PTPRD: variants seen among roughly 807,000 people sequenced by gnomAD.
PTPRD encodes the protein receptor-type tyrosine-protein phosphatase delta.
Under a neutral mutation model 214.5 loss-of-function variants are expected in PTPRD, and 34 were observed. The ratio of observed to expected loss-of-function variants is 0.16; its 90% CI spans 0.12 to 0.21. The LOEUF is 0.21. PTPRD is among the 10% of genes least tolerant of loss of function. The probability of loss-of-function intolerance (pLI) is 1.00; values close to 1 mark genes in which losing one functional copy is unlikely to be tolerated. For missense variants in PTPRD, 2,545 were observed against 2,398.7 expected (o/e 1.06, Z -1.27); for synonymous variants, 1,128 against 845.7 (o/e 1.33, Z -5.79).
At chr9:10,536,716 C>T (rs111508340) in intron 2 of PTPRD, among the ~76,000 whole-genome samples, 1 of 152,094 alleles carries the variant, frequency 6.6e-6, no homozygotes, top group African/African-American at 2.4e-5. Context: ...AATACTGGCC[C>T]AGGGAACACT....
At chr9:9,949,582 G>A (rs946049609) in intron 4 of PTPRD, among the ~76,000 whole-genome samples, 5 of 152,168 alleles carry the variant, frequency 3.3e-5, no homozygotes, top group South Asian at 2.1e-4. Context: ...AAAATCATAC[G>A]ACCTAGGTTA....
At chr9:8,820,593 G>C (rs972904638) in intron 11 of PTPRD, among the ~76,000 whole-genome samples, 1 of 152,028 alleles carries the variant, frequency 6.6e-6, no homozygotes, top group Non-Finnish European at 1.5e-5. Context: ...TTTTAGTTTT[G>C]AAAGTTCAAC....
intron 2 of PTPRD, among the ~76,000 whole-genome samples, chr9:10,450,656 T>C (rs1041872445): frequency 5.3e-5 from 8 of 152,002 alleles, no homozygotes; most frequent in Non-Finnish European, 8.8e-5. Flanking sequence ...TTTACTGTCT[T>C]GTTGTTTGGC....
intron 9 of PTPRD, among the ~76,000 whole-genome samples, chr9:9,376,330 C>T (rs919623240): frequency 6.6e-6 from 1 of 152,088 alleles, no homozygotes; most frequent in African/African-American, 2.4e-5. Context: ...TCAGTTTCAC[C>T]CTCCTATAAA....
chr9:10,309,339 TG>T (rs1230639482), intron 3 of PTPRD, among the ~76,000 whole-genome samples: 2 of 152,080 alleles, frequency 1.3e-5, no homozygotes, highest in Non-Finnish European at 2.9e-5. Flanking sequence ...TTCTTCCTTT[TG>T]TTTTTTTGTT....
At chr9:9,465,171 A>G (rs1281474731) in intron 8 of PTPRD, among the ~76,000 whole-genome samples, 1 of 152,222 alleles carries the variant, frequency 6.6e-6, no homozygotes, top group East Asian at 1.9e-4. Flanking sequence ...ATATAGTTTA[A>G]TAAGCTGTAG....
In PTPRD at chr9:10,477,816, T is replaced by C. The variant is rs1214095038; in HGVS notation, c.-600+134582A>G. Among the ~76,000 whole-genome samples the C allele has an allele frequency of 3.9e-5, 6 of 152,180 alleles. No homozygotes were observed. In the East Asian group the frequency reaches 1.2e-3, roughly 29 times the overall value. ...TATGCAGCCATAAAAAAGGATGAGT[T>C]CATGTCCTTTGCAGTAACATGGATG... On this transcript the variant is annotated intron_variant, in intron 2 of 45. Transcript: ENST00000381196.
intron 12 of PTPRD, among the ~76,000 whole-genome samples, chr9:8,724,417 C>T (rs1005020859): frequency 1.3e-5 from 2 of 152,152 alleles, no homozygotes; most frequent in Non-Finnish European, 2.9e-5. Flanking sequence ...TCCCTTGTAC[C>T]ACATCTACTC....
chr9:8,600,667 G>A (rs1228430580), intron 14 of PTPRD, among the ~76,000 whole-genome samples: 1 of 151,780 alleles, frequency 6.6e-6, no homozygotes, highest in Admixed American at 6.6e-5. Context: ...GGCCAGAAGG[G>A]AACCTGCTGC....
At chr9:8,639,846 A>T (rs1211778849) in intron 12 of PTPRD, among the ~76,000 whole-genome samples, 1 of 152,188 alleles carries the variant, frequency 6.6e-6, no homozygotes, top group Non-Finnish European at 1.5e-5. Flanking sequence ...AAATTCCCAT[A>T]CACTTGGAGA....
chr9:10,409,386 C>T (rs1457883635), intron 2 of PTPRD, among the ~76,000 whole-genome samples: 1 of 151,656 alleles, frequency 6.6e-6, no homozygotes, highest in African/African-American at 2.4e-5. Flanking sequence ...CCAGTTAATC[C>T]TTCATATTAT....
chr9:8,606,318 C>T (rs1468155014), intron 14 of PTPRD, among the ~76,000 whole-genome samples: 1 of 152,106 alleles, frequency 6.6e-6, no homozygotes, highest in African/African-American at 2.4e-5. Context: ...TGCCAGTATG[C>T]CTTGAGGAAG....
intron 10 of PTPRD, among the ~76,000 whole-genome samples, chr9:9,062,599 C>G (rs1195789899): frequency 6.6e-6 from 1 of 152,074 alleles, no homozygotes; most frequent in Non-Finnish European, 1.5e-5. Flanking sequence ...TACCATCTAT[C>G]TAACTATTTA....
chr9:9,563,508 CTG>C (rs2083492942), intron 8 of PTPRD, among the ~76,000 whole-genome samples: 1 of 152,106 alleles, frequency 6.6e-6, no homozygotes, highest in Admixed American at 6.6e-5. Flanking sequence ...TCTGGAAATA[CTG>C]TGATTGCTGA....
At chr9:8,799,536 C>T (rs937917725) in intron 11 of PTPRD, among the ~76,000 whole-genome samples, 1 of 152,138 alleles carries the variant, frequency 6.6e-6, no homozygotes, top group Non-Finnish European at 1.5e-5. Context: ...GAAGTGTTAC[C>T]TTGCAGATTC....
At chr9:9,524,934 T>C (rs1428258904) in intron 8 of PTPRD, among the ~76,000 whole-genome samples, 4 of 152,238 alleles carry the variant, frequency 2.6e-5, no homozygotes, top group Non-Finnish European at 2.9e-5. Context: ...CTCGGCTCAC[T>C]GCAAGCTCCG....
Position 10,195,098 on chromosome 9 carries a change from A to ATTTTTTTTTTTTTTT in PTPRD, c.-545+145850_-545+145864dup, listed in dbSNP as rs34900305. Among the ~76,000 whole-genome samples, 27 of 97,908 alleles carry ATTTTTTTTTTTTTTT rather than the reference A, an allele frequency of 2.8e-4. 1 individual carries two copies. Among genetic ancestry groups the ATTTTTTTTTTTTTTT allele is most frequent in the Admixed American group, 5.4e-4 (4 of 7,426 alleles). The allele number at this position is 97,908 out of a possible 152,430, so 64.2% of individuals were successfully genotyped here. On this transcript the variant is annotated intron_variant, in intron 3 of 45. Transcript: ENST00000381196. ...CAGGCACCCGTGACCATACCCGGCT[A>ATTTTTTTTTTTTTTT]TTTTTTTTTTTTTTTTTTTTTTTGT... is the stretch of plus-strand genomic sequence containing the variant.
At chr9:8,720,281 T>C (rs754224848) in intron 12 of PTPRD, among the ~76,000 whole-genome samples, 1 of 152,152 alleles carries the variant, frequency 6.6e-6, no homozygotes, top group African/African-American at 2.4e-5. Flanking sequence ...AGCAGGGCAG[T>C]TGAGCATCTT....
At chr9:10,393,775 G>A (rs1313614554) in intron 2 of PTPRD, among the ~76,000 whole-genome samples, 1 of 147,814 alleles carries the variant, frequency 6.8e-6, no homozygotes, top group African/African-American at 2.5e-5. Context: ...CTAATCAAGT[G>A]ATCCCAAATG....
Sources: allele counts gnomAD v4.1 joint callset (sites outside exome capture counted in the v4.1 genomes callset), GRCh38; gene constraint gnomAD v4.1.1; transcripts MANE v1.5; gene names NCBI Gene and HGNC (gene_info 2026-07-23, HGNC 2026-07-21).